Variants in DPP3 observed in about 807,000 individuals in gnomAD.
DPP3 encodes the protein DPP III.
DPP3 carries 64 observed loss-of-function variants against 89.8 expected under a neutral mutation model. The observed-to-expected ratio is 0.71, with a 90% confidence interval of 0.58 to 0.88. DPP3 has a LOEUF of 0.88. Among genes scored for constraint, DPP3 ranks in the 40% least tolerant of loss-of-function variants. The pLI, the probability that DPP3 is intolerant of heterozygous loss-of-function variation, is 0.00. For synonymous variants in DPP3, 377 were observed against 404.3 expected (o/e 0.93, Z 0.81); for missense variants, 835 against 972.5 (o/e 0.86, Z 1.88).
Position 66,497,349 on chromosome 11 carries a change from G to A in DPP3, c.1750G>A (p.Glu584Lys), listed in dbSNP as rs768305932. 5.0e-6 allele frequency: 8 copies of A among 1,613,848 alleles called. No homozygotes were observed. Among genetic ancestry groups the A allele is most frequent in the African/African-American group, 2.7e-5 (2 of 74,928 alleles). Residue 584 changes from glutamate to lysine, a missense_variant, in exon 16 of 18, where the codon GAG (glutamate) becomes AAG (lysine). Transcript: ENST00000531863. Reference sequence around the variant, plus strand: ...CCTGAGAGTCTTGCTGGAGGCTGGCGAGGGACTCGTTACCATCACTCCCAC... The same window carrying A: ...CCTGAGAGTCTTGCTGGAGGCTGGCAAGGGACTCGTTACCATCACTCCCAC... ...VILRVLLEAGEGLVTITPTTG... is the reference protein window; with the variant it reads ...VILRVLLEAGKGLVTITPTTG...
chr11:66,497,151 G>A (rs1285100654), intron 15 of DPP3, 147 bp from the exon 16 acceptor site: 1 of 987,572 alleles, frequency 1.0e-6, no homozygotes, highest in South Asian at 1.7e-5. Flanking sequence ...GACCCGCAGG[G>A]TTGGGGAGAA....
chr11:66,484,002 G>A (rs971670076), intron 2 of DPP3, among the ~76,000 whole-genome samples: 7 of 150,900 alleles, frequency 4.6e-5, no homozygotes, highest in South Asian at 4.2e-4. Flanking sequence ...TGTGGGGGAC[G>A]GAGTCTCGCT....
At chr11:66,508,988 C>T (rs1855873862) in intron 17 of DPP3, 91 bp from the exon 18 acceptor site, 2 of 1,497,828 alleles carry the variant, frequency 1.3e-6, no homozygotes, top group Non-Finnish European at 1.8e-6. Flanking sequence ...GAAACAGCTG[C>T]TGCTGTAATT....
At chr11:66,492,360 G>T (rs561206173) in intron 9 of DPP3, 16 of 215,686 alleles carry the variant, frequency 7.4e-5, no homozygotes, top group Admixed American at 1.6e-4. Flanking sequence ...TTCTCTGACT[G>T]CCCTAATCCT....
Position 66,495,487 on chromosome 11 carries a change from G to A in DPP3, c.1575G>A (p.Leu525=), listed in dbSNP as rs1462667587. 2 of 1,611,360 alleles carry A rather than the reference G, an allele frequency of 1.2e-6. No homozygotes were observed. Among genetic ancestry groups the A allele is most frequent in the Non-Finnish European group, 1.7e-6 (2 of 1,178,426 alleles). The change falls in exon 14 of 18, where the codon CTG becomes CTA. Residue 525 remains leucine, a splice_region_variant and synonymous_variant. Coordinates refer to ENST00000531863, the MANE Select transcript of DPP3 (RefSeq NM_130443.4). ...ACCTCTGTCTCCACCCGCAAGTGCT[G>A]GAGTAAGAGCAGCAGGGCCGAGGGG... ...GLYLCLHPQV[L]EIFGFEGADA... is the part of the protein sequence containing the mutation.
intron 1 of DPP3, chr11:66,480,871 G>A (rs1185387241): frequency 5.7e-6 from 1 of 174,648 alleles, no homozygotes; most frequent in South Asian, 1.6e-4. Context: ...AACTTCTGTG[G>A]CTTCCCTGGT....
chr11:66,480,593 C>A, intron 1 of DPP3, 128 bp downstream of exon 1: 2 of 1,123,016 alleles, frequency 1.8e-6, no homozygotes, highest in Non-Finnish European at 1.2e-6. Context: ...ATTCACCCCG[C>A]CCTCGAGGCC....
At chr11:66,508,978 G>GA in intron 17 of DPP3, 101 bp from the exon 18 acceptor site, 5 of 1,459,850 alleles carry the variant, frequency 3.4e-6, no homozygotes, top group Non-Finnish European at 4.6e-6. Flanking sequence ...AGCTCAGTAA[G>GA]AAACAGCTGC....
intron 3 of DPP3, 54 bp from the exon 4 acceptor site, chr11:66,486,486 T>C: frequency 6.9e-7 from 1 of 1,441,680 alleles, no homozygotes; most frequent in Non-Finnish European, 9.2e-7. Flanking sequence ...AGGGAGGCTC[T>C]GGAAGGCAGG....
Position 66,500,634 on chromosome 11 carries a change from G to A in DPP3, c.1878+3157G>A, listed in dbSNP as rs182366229. Among the ~76,000 whole-genome samples the A allele has an allele frequency of 3.3e-5, 5 of 152,318 alleles. No homozygotes were observed. In the East Asian group the frequency reaches 7.7e-4, roughly 24 times the overall value. ...GCTTTTGGAAGGCTGAATTACATAC[G>A]AATTTTAAGAAACAGCAGCGTCATC... is the stretch of plus-strand genomic sequence containing the variant. On this transcript the variant is annotated intron_variant, in intron 16 of 17. Coordinates refer to ENST00000531863, the MANE Select transcript of DPP3 (RefSeq NM_130443.4).
chr11:66,490,005 A>G (rs943313040), intron 6 of DPP3, among the ~76,000 whole-genome samples: 3 of 152,104 alleles, frequency 2.0e-5, no homozygotes, highest in African/African-American at 7.2e-5. Context: ...CACAGATCCC[A>G]CATCTCCATG....
chr11:66,482,149 G>A (rs1284965387), intron 1 of DPP3, 44 bp from the exon 2 acceptor site: 1 of 1,603,414 alleles, frequency 6.2e-7, no homozygotes, highest in African/African-American at 1.3e-5. Flanking sequence ...GTATGCAATT[G>A]GTATGGGGTA....
At chr11:66,486,288 C>T (rs1855225007) in intron 3 of DPP3, among the ~76,000 whole-genome samples, 1 of 152,066 alleles carries the variant, frequency 6.6e-6, no homozygotes, top group Non-Finnish European at 1.5e-5. Flanking sequence ...CTGTGTTGCC[C>T]AGGCTTGTCT....
In DPP3 at chr11:66,493,132, T is replaced by A. The variant is rs774898187; in HGVS notation, c.1249T>A (p.Tyr417Asn). The A allele has an allele frequency of 1.2e-6, 2 of 1,614,130 alleles. No individual in the cohort carries two copies. Among genetic ancestry groups the A allele is most frequent in the Non-Finnish European group, 1.7e-6 (2 of 1,180,050 alleles). Reference protein sequence around the residue: ...VSLGNVLAVAYATQREKLTFL... With the variant: ...VSLGNVLAVANATQREKLTFL... ...GCTGGGGAATGTGCTGGCTGTGGCC[T>A]ACGCCACGCAGCGGGAGAAGCTTAC... The change falls in exon 11 of 18, where the codon TAC becomes AAC. Residue 417 changes from tyrosine to asparagine, a missense_variant. Physicochemically the swap from Tyr to Asn is moderately radical, Grantham distance 143 (BLOSUM62 -2). Transcript: ENST00000531863.
intron 5 of DPP3, 105 bp downstream of exon 5, chr11:66,487,447 T>TA: frequency 3.3e-6 from 4 of 1,221,738 alleles, no homozygotes; most frequent in Non-Finnish European, 4.8e-6. Context: ...GACTACTCCC[T>TA]GTGTACTAGG....
At position 66,486,613 on chromosome 11, in the gene DPP3, A is replaced by T; in HGVS notation, c.434A>T (p.Gln145Leu). 2 of 1,586,788 alleles carry T rather than the reference A, an allele frequency of 1.3e-6. No homozygotes were observed. Among genetic ancestry groups the T allele is most frequent in the Non-Finnish European group, 1.7e-6 (2 of 1,165,992 alleles). The change falls in exon 4 of 18, where the codon CAG (glutamine) becomes CTG (leucine). Residue 145 changes from glutamine to leucine, a missense_variant. Gln to Leu is a moderately radical substitution (Grantham distance 113). Transcript: ENST00000531863. ...CCAGAAGAAGTCAGGGGCCTCTGGC[A>T]GACCTGCGGGGAGCTTATGTTCTCT... ...QHPEEVRGLW[Q>L]TCGELMFSLE...
intron 15 of DPP3, among the ~76,000 whole-genome samples, chr11:66,497,045 G>A (rs900570211): frequency 2.6e-5 from 4 of 152,170 alleles, no homozygotes; most frequent in African/African-American, 9.7e-5. Context: ...ACCAGGTCCC[G>A]CCTGGAAATG....
chr11:66,507,485 A>G (rs1855830680), intron 17 of DPP3, among the ~76,000 whole-genome samples: 1 of 151,866 alleles, frequency 6.6e-6, no homozygotes, highest in African/African-American at 2.4e-5. Flanking sequence ...AATAATAATA[A>G]TAATCATCAT....
chr11:66,491,271 A>G lies in DPP3; in HGVS notation c.686A>G (p.Glu229Gly). 6.2e-7 allele frequency: 1 copy of G among 1,613,596 alleles called. No individual in the cohort carries two copies. Residue 229 changes from glutamate to glycine, a missense_variant, in exon 7 of 18, where the codon GAG becomes GGG. Physicochemically the swap from Glu to Gly is moderately conservative, Grantham distance 98. Coordinates refer to ENST00000531863, the MANE Select transcript of DPP3 (RefSeq NM_130443.4). ...TCCCCAGAGCCTTCCCTGGACTCTG[A>G]GGTGACTTCCAAGCTGAAGAGCTAT... ...VLGSEPSLDS[E>G]VTSKLKSYEF... is the part of the protein sequence containing the mutation.
Sources: allele counts gnomAD v4.1 joint callset (sites outside exome capture counted in the v4.1 genomes callset), GRCh38; gene constraint gnomAD v4.1.1; transcripts MANE v1.5; gene names NCBI Gene and HGNC (gene_info 2026-07-23, HGNC 2026-07-21).